NEK2: variants seen among roughly 807,000 people sequenced by gnomAD.
The protein encoded by NEK2 is NIMA related kinase 2.
In NEK2, 28 loss-of-function variants were observed where a neutral mutation model predicts 54.1. The ratio of observed to expected loss-of-function variants is 0.52; its 90% CI spans 0.38 to 0.71. The LOEUF (loss-of-function observed/expected upper bound fraction) is 0.71, where lower values mean the gene tolerates loss of function less well. Among genes scored for constraint, NEK2 ranks in the 30% least tolerant of loss-of-function variants. NEK2 has a pLI of 0.00. For missense variants in NEK2, 407 were observed against 531.5 expected (o/e 0.77, Z 2.30); for synonymous variants, 176 against 193.1 (o/e 0.91, Z 0.73).
At chr1:211,658,471 C>T (rs1273993841), downstream of NEK2, among the ~76,000 whole-genome samples, 1 of 151,426 alleles carries the variant, frequency 6.6e-6, no homozygotes, top group East Asian at 1.9e-4. Context: ...CAGTAATGAA[C>T]AGACAAGCCA....
At chr1:211,673,011 G>A (rs184498526) in intron 3 of NEK2, among the ~76,000 whole-genome samples, 1 of 151,654 alleles carries the variant, frequency 6.6e-6, no homozygotes, top group East Asian at 1.9e-4. Context: ...TTATTGGTCT[G>A]GTGGTCCATG....
At chr1:211,669,621 G>T in intron 5 of NEK2, 1 of 392,994 alleles carries the variant, frequency 2.5e-6, no homozygotes, top group Non-Finnish European at 4.6e-6. Context: ...GCTGGGGCTT[G>T]GTAGCATTGC....
chr1:211,666,949 AT>A, intron 7 of NEK2, 156 bp downstream of exon 7: 1 of 1,448,096 alleles, frequency 6.9e-7, no homozygotes, highest in Non-Finnish European at 9.1e-7. Context: ...CTATAACAGA[AT>A]TTTGTTTCCA....
At chr1:211,668,706 T>C (rs1027698411) in intron 6 of NEK2, among the ~76,000 whole-genome samples, 2 of 152,202 alleles carry the variant, frequency 1.3e-5, no homozygotes, top group Admixed American at 6.5e-5. Context: ...TGGAATTCTG[T>C]TGGAGTGGCC....
Position 211,667,184 on chromosome 1 carries a change from G to A in NEK2, c.1033C>T (p.Leu345=), listed in dbSNP as rs201701459. Residue 345 remains leucine (L), a synonymous_variant, in exon 7 of 8, where the codon CTG becomes TTG. Coordinates refer to ENST00000366999, the MANE Select transcript of NEK2 (RefSeq NM_002497.4). The part of the protein sequence containing the change: ...CVRERLAEDK[L]ARAENLLKNY... ...TTCAACAGATTTTCTGCTCTAGCCA[G>A]TTTGTCCTCTGCTAGTCTCTCACGA... 6.2e-7 allele frequency: 1 copy of A among 1,613,350 alleles called. No homozygotes were observed. The highest frequency in any genetic ancestry group is 8.5e-7 in the Non-Finnish European group (1 of 1,179,608).
At chr1:211,674,063 G>A (rs567160761) in intron 2 of NEK2, among the ~76,000 whole-genome samples, 38 of 152,180 alleles carry the variant, frequency 2.5e-4, no homozygotes, top group African/African-American at 9.2e-4. Context: ...TGATCCTCCC[G>A]CATCGGCCTC....
intron 7 of NEK2, among the ~76,000 whole-genome samples, 159 bp from the exon 8 acceptor site, chr1:211,663,811 T>C (rs1655092277): frequency 6.6e-6 from 1 of 152,182 alleles, no homozygotes; most frequent in African/African-American, 2.4e-5. Context: ...GTGTAGGACT[T>C]GCAGAAATCA....
downstream of NEK2, chr1:211,660,582 G>A: frequency 1.6e-6 from 1 of 639,072 alleles, no homozygotes; most frequent in East Asian, 3.7e-5. Flanking sequence ...TGGCATTGGT[G>A]TGTGCCTTCT....
chr1:211,673,501 T>A lies in NEK2; in HGVS notation c.537A>T (p.Thr179=), dbSNP rs1655466664. The change falls in exon 3 of 8, where the codon ACA becomes ACT. Residue 179 remains threonine (T), a synonymous_variant. Transcript: ENST00000366999. ...TACTTACAGGAGACATGTAATAAGGTGTGCCAACAAATGTTTTTGCAAAAC... is the reference window on the plus strand; with the variant it reads ...TACTTACAGGAGACATGTAATAAGGAGTGCCAACAAATGTTTTTGCAAAAC... The part of the protein sequence containing the change: ...DTSFAKTFVG[T]PYYMSPEQMN... The A allele has an allele frequency of 6.2e-7, 1 of 1,613,858 alleles. No homozygotes were observed. Among genetic ancestry groups the A allele is most frequent in the Non-Finnish European group, 8.5e-7 (1 of 1,179,882 alleles).
downstream of NEK2, chr1:211,660,609 C>A: frequency 1.6e-6 from 1 of 643,706 alleles, no homozygotes; most frequent in Non-Finnish European, 3.0e-6. Flanking sequence ...CAATGCCTGC[C>A]ATATGCATGG....
In NEK2 at chr1:211,670,419, A is replaced by C. The variant is rs1462595278; in HGVS notation, c.639-12T>G. 6.3e-7 allele frequency: 1 copy of C among 1,595,594 alleles called. No homozygotes were observed. Among genetic ancestry groups the C allele is most frequent in the East Asian group, 2.2e-5 (1 of 44,752 alleles). On this transcript the variant is annotated splice_polypyrimidine_tract_variant and intron_variant, in intron 4 of 7. Coordinates refer to ENST00000366999, the MANE Select transcript of NEK2 (RefSeq NM_002497.4). ...CTGTAAATGGAGGCCTAGGGTTAAA[A>C]AAGAAGAAGAAGACGACGAAGACAT...
chr1:211,670,430 AGAC>A, intron 4 of NEK2, 23 bp from the exon 5 acceptor site: 2 of 1,590,204 alleles, frequency 1.3e-6, no homozygotes, highest in Non-Finnish European at 1.7e-6. Flanking sequence ...AAGAAGAAGA[AGAC>A]GACGAAGACA....
chr1:211,660,906 G>C (rs1460613808), downstream of NEK2: 2 of 736,806 alleles, frequency 2.7e-6, no homozygotes, highest in Non-Finnish European at 5.1e-6. Flanking sequence ...GATACCAGCA[G>C]ATCTGTCCCC....
downstream of NEK2, among the ~76,000 whole-genome samples, chr1:211,660,035 C>T (rs1654977537): frequency 6.6e-6 from 1 of 152,190 alleles, no homozygotes; most frequent in African/African-American, 2.4e-5. Context: ...ATTGCCCAGG[C>T]TGTTATGAAA....
Position 211,663,473 on chromosome 1 carries a change from C to T in NEK2, c.1291G>A (p.Glu431Lys). ...QLRAQALSDI[E>K]KNYQLKSRQI... The stretch of plus-strand genomic sequence containing the variant: ...CTGCTTTTCAGTTGGTAATTTTTCT[C>T]AATATCTGACAGGGCTTGAGCCCGC... The change falls in exon 8 of 8, where the codon GAG (glutamate) becomes AAG (lysine). Residue 431 changes from glutamate (E) to lysine (K), a missense_variant. Transcript: ENST00000366999. 4.3e-6 allele frequency: 7 copies of T among 1,613,836 alleles called. No individual in the cohort carries two copies. The highest frequency in any genetic ancestry group is 5.9e-6 in the Non-Finnish European group (7 of 1,179,808).
intron 3 of NEK2, among the ~76,000 whole-genome samples, chr1:211,671,602 G>A (rs1655395262): frequency 1.3e-5 from 2 of 152,078 alleles, no homozygotes; most frequent in African/African-American, 4.8e-5. Context: ...AAGAACTAGA[G>A]GAAATTTAAG....
rs1558230519 is a variant in NEK2 at position 211,673,677 on chromosome 1, T to A, written c.361A>T (p.Thr121Ser). 6.2e-7 allele frequency: 1 copy of A among 1,613,976 alleles called. No homozygotes were observed. The highest frequency in any genetic ancestry group is 8.5e-7 in the Non-Finnish European group (1 of 1,179,982). The change falls in exon 3 of 8, where the codon ACT (threonine) becomes TCT (serine). Residue 121 changes from threonine to serine, a missense_variant. Physicochemically the swap from Thr to Ser is moderately conservative, Grantham distance 58 (BLOSUM62 1). Transcript: ENST00000366999. ...EFVLRVMTQL[T>S]LALKECHRRS... Reference sequence around the variant, plus strand: ...CTGTGGCATTCCTTCAGGGCCAGAGTCAACTGAGTCATCACTCGAAGAACA... The same window carrying A: ...CTGTGGCATTCCTTCAGGGCCAGAGACAACTGAGTCATCACTCGAAGAACA...
rs201869074 is a variant in NEK2, at chr1:211,674,515, T to C, written c.97-2A>G. ...GTCAAGTTCTTTCCAAACTAATATC[T>C]GAAATAAGAATTTCCAAGGTATGAA... On this transcript the variant is annotated splice_acceptor_variant, in intron 1 of 7. Transcript: ENST00000366999. LOFTEE classifies it high-confidence loss of function. 575 of 1,597,296 alleles carry C rather than the reference T, an allele frequency of 3.6e-4. No homozygotes were observed. The highest frequency in any genetic ancestry group is 4.6e-4 in the Non-Finnish European group (533 of 1,168,984).
chr1:211,667,879 C>G (rs1158546808), intron 6 of NEK2, among the ~76,000 whole-genome samples: 1 of 152,062 alleles, frequency 6.6e-6, no homozygotes, highest in East Asian at 1.9e-4. Flanking sequence ...AACCCCATCT[C>G]TACTAAAAAA....
Sources: gnomAD v4.1 joint callset for allele counts (sites outside exome capture counted in the v4.1 genomes callset) on GRCh38, gnomAD v4.1.1 for gene constraint, MANE v1.5 for transcripts, NCBI Gene and HGNC (gene_info 2026-07-23, HGNC 2026-07-21) for gene names.